The following EPB41 variants were observed in gnomAD, a reference collection of about 807,000 sequenced individuals.
EPB41 encodes protein 4.1.
Under a neutral mutation model 108.0 loss-of-function variants are expected in EPB41, and 65 were observed. That is an observed-to-expected ratio of 0.60 (90% CI 0.49 to 0.74). The LOEUF is 0.74. Among genes scored for constraint, EPB41 ranks in the 30% least tolerant of loss-of-function variants. The pLI, the probability that EPB41 is intolerant of heterozygous loss-of-function variation, is 0.00. For missense variants in EPB41, 875 were observed against 1,037.0 expected, an observed-to-expected ratio of 0.84 and a Z score of 2.15; for synonymous variants, 336 against 358.9, an observed-to-expected ratio of 0.94 and a Z score of 0.72.
chr1:28,939,129 G>A (rs2094172086), intron 1 of EPB41, among the ~76,000 whole-genome samples: 1 of 152,112 alleles, frequency 6.6e-6, no homozygotes, highest in Non-Finnish European at 1.5e-5. Context: ...GCTAGCTGTG[G>A]ATTTTTTTTA....
At chr1:29,045,753 G>A (rs1194379785) in intron 11 of EPB41, among the ~76,000 whole-genome samples, 2 of 143,066 alleles carry the variant, frequency 1.4e-5, no homozygotes, top group Middle Eastern at 3.8e-3. Context: ...TGGGAGGATC[G>A]CTTGAGTCTG....
At chr1:29,078,255 T>G (rs1654937055) in intron 16 of EPB41, among the ~76,000 whole-genome samples, 1 of 152,166 alleles carries the variant, frequency 6.6e-6, no homozygotes, top group Non-Finnish European at 1.5e-5. Context: ...TTTGGCCTGC[T>G]GCTTATAGTT....
In EPB41 at chr1:29,115,992, C is replaced by G. The variant is rs1054555346; in HGVS notation, c.*6+189C>G. On this transcript the variant is annotated intron_variant, in intron 20 of 20. Transcript: ENST00000343067. The surrounding 1 kb of genome is among the most constrained non-coding windows in gnomAD (Gnocchi z 4.4). Reference sequence around the variant, plus strand: ...AAGTATTTGGCTCCAACTAAAGCAGCCTGTAGCAGTGCCAGCATTATTGGG... The same window carrying G: ...AAGTATTTGGCTCCAACTAAAGCAGGCTGTAGCAGTGCCAGCATTATTGGG... Among the ~76,000 whole-genome samples the G allele has an allele frequency of 6.6e-6, 1 of 152,108 alleles. No homozygotes were observed. The highest frequency in any genetic ancestry group is 1.5e-5 in the Non-Finnish European group (1 of 68,034).
intron 1 of EPB41, among the ~76,000 whole-genome samples, chr1:28,976,537 A>G (rs1293725414): frequency 6.6e-6 from 1 of 151,856 alleles, no homozygotes; most frequent in African/African-American, 2.4e-5. Context: ...TATTTTTTGC[A>G]GAGACGAGGC....
intron 7 of EPB41, among the ~76,000 whole-genome samples, chr1:29,029,106 A>T (rs1371478976): frequency 6.6e-6 from 1 of 152,180 alleles, no homozygotes; most frequent in African/African-American, 2.4e-5. Flanking sequence ...GAAACATAAA[A>T]TAGGAGTAAT....
intron 11 of EPB41, among the ~76,000 whole-genome samples, chr1:29,041,869 G>A (rs1222279344): frequency 6.6e-6 from 1 of 152,138 alleles, no homozygotes; most frequent in Admixed American, 6.5e-5. Flanking sequence ...GATGATGATA[G>A]TATCATACTA....
chr1:29,024,287 AT>A (rs1418488318), intron 7 of EPB41, among the ~76,000 whole-genome samples: 1 of 151,578 alleles, frequency 6.6e-6, no homozygotes, highest in Non-Finnish European at 1.5e-5. Flanking sequence ...GTGAGCCGAG[AT>A]CATGCCACTG....
chr1:28,888,696 C>T (rs1278797856), intron 1 of EPB41, among the ~76,000 whole-genome samples: 1 of 152,226 alleles, frequency 6.6e-6, no homozygotes, highest in Non-Finnish European at 1.5e-5. Flanking sequence ...GTCGCGATCT[C>T]GGCCCACTGC....
chr1:29,055,313 T>A (rs2150802212), intron 12 of EPB41, among the ~76,000 whole-genome samples: 1 of 152,302 alleles, frequency 6.6e-6, no homozygotes, highest in African/African-American at 2.4e-5. Flanking sequence ...AGTGTTGGAT[T>A]ACTGGAATTG....
intron 18 of EPB41, among the ~76,000 whole-genome samples, chr1:29,110,949 C>T (rs1187146024): frequency 6.6e-6 from 1 of 151,764 alleles, no homozygotes; most frequent in East Asian, 2.0e-4. Flanking sequence ...GGCGGATCAC[C>T]TGAGATCAGG....
At chr1:29,051,130 G>C (rs1416611051) in intron 11 of EPB41, among the ~76,000 whole-genome samples, 1 of 103,642 alleles carries the variant, frequency 9.6e-6, no homozygotes, top group East Asian at 3.1e-4. Context: ...AGACAGTCTG[G>C]CTCTGTTGCC....
intron 2 of EPB41, among the ~76,000 whole-genome samples, chr1:28,990,296 T>TTTCCTTCCTTCCTTTCTTCC (rs2095979957): frequency 3.6e-4 from 16 of 44,062 alleles, no homozygotes; most frequent in Non-Finnish European, 1.4e-4. Context: ...GTTTTTCAAA[T>TTTCCTTCCTTCCTTTCTTCC]TTCCTTCCTT....
At chr1:28,910,107 C>G (rs1487562567), upstream of EPB41, among the ~76,000 whole-genome samples, 6 of 150,904 alleles carry the variant, frequency 4.0e-5, no homozygotes, top group East Asian at 7.8e-4. Context: ...AAAAAGTGTA[C>G]GTATAAGAAA....
intron 3 of EPB41, among the ~76,000 whole-genome samples, chr1:28,994,573 G>T (rs970610653): frequency 9.2e-5 from 14 of 152,058 alleles, no homozygotes; most frequent in Non-Finnish European, 2.1e-4. Flanking sequence ...AATTGCAATT[G>T]TTACTAGTAA....
rs560164744 is a variant in EPB41 at position 28,987,761 on chromosome 1, A to T, written c.324A>T (p.Lys108Asn). The T allele has an allele frequency of 6.2e-7, 1 of 1,614,182 alleles. No individual in the cohort carries two copies. Among genetic ancestry groups the T allele is most frequent in the East Asian group, 2.2e-5 (1 of 44,884 alleles). The change falls in exon 2 of 21, where the codon AAA becomes AAT. Residue 108 changes from lysine to asparagine, a missense_variant. Transcript: ENST00000343067. ...AAGAAGTAGAGTCAGATAAAGAAAAAGGTGAAGGAGGTCAGAAAGAGATAG... is the reference window on the plus strand; with the variant it reads ...AAGAAGTAGAGTCAGATAAAGAAAATGGTGAAGGAGGTCAGAAAGAGATAG... ...EGKEVESDKEKGEGGQKEIEF... is the reference protein window; with the variant it reads ...EGKEVESDKENGEGGQKEIEF...
At chr1:28,981,370 G>A (rs997687415) in intron 1 of EPB41, among the ~76,000 whole-genome samples, 1 of 150,976 alleles carries the variant, frequency 6.6e-6, no homozygotes, top group African/African-American at 2.4e-5. Flanking sequence ...GCAGCACCAT[G>A]TATAAAATGA....
intron 16 of EPB41, among the ~76,000 whole-genome samples, chr1:29,089,011 C>CT (rs1190177477): frequency 6.6e-6 from 1 of 152,258 alleles, no homozygotes; most frequent in East Asian, 1.9e-4. Context: ...GAAATACCTT[C>CT]TGGTGTCATG....
rs1049545876 is a variant in EPB41 at position 28,979,683 on chromosome 1, C to T, written c.-7-7748C>T. On this transcript the variant is annotated intron_variant, in intron 1 of 20. Transcript: ENST00000343067. ...AAAACTAGCACATGCTTCACTTTGGCTAATGGATGGTACTTTTGAAACTGT... is the reference window on the plus strand; with the variant it reads ...AAAACTAGCACATGCTTCACTTTGGTTAATGGATGGTACTTTTGAAACTGT... 3.5e-4 allele frequency among the ~76,000 whole-genome samples: 51 copies of T among 144,482 alleles called. 1 individual carries two copies. The highest frequency in any genetic ancestry group is 7.2e-4 in the Non-Finnish European group (48 of 66,766). 94.8% of individuals were successfully genotyped at this position (144,482 alleles called of 152,430 possible). A position where few individuals can be genotyped will look rare whatever the true frequency, so the allele number is the denominator to read the frequency against.
intron 4 of EPB41, among the ~76,000 whole-genome samples, chr1:28,997,923 TTTAA>T (rs2096219248): frequency 1.3e-5 from 2 of 152,176 alleles, no homozygotes; most frequent in Admixed American, 6.5e-5. Context: ...CTCAGAACAC[TTTAA>T]TTATTTCCTG....
Sources: gnomAD v4.1 joint callset for allele counts (sites outside exome capture counted in the v4.1 genomes callset) on GRCh38, gnomAD v4.1.1 for gene constraint, Gnocchi (gnomAD v3.1) non-coding constraint, MANE v1.5 for transcripts, NCBI Gene and HGNC (gene_info 2026-07-23, HGNC 2026-07-21) for gene names.